LRRC37A2: variants seen among roughly 807,000 people sequenced by gnomAD.
The protein encoded by LRRC37A2 is leucine rich repeat containing 37 member A2.
LRRC37A2 carries 9 observed loss-of-function variants against 68.8 expected under a neutral mutation model. The ratio of observed to expected loss-of-function variants is 0.13; its 90% confidence interval spans 0.08 to 0.23. LRRC37A2 has a LOEUF of 0.23. Among genes scored for constraint, LRRC37A2 ranks in the 10% least tolerant of loss-of-function variants. The probability of loss-of-function intolerance (pLI) is 1.00; values close to 1 mark genes in which losing one functional copy is unlikely to be tolerated. For missense variants in LRRC37A2, 168 were observed against 950.4 expected (o/e 0.18, Z 10.82); for synonymous variants, 63 against 367.6 (o/e 0.17, Z 9.48).
chr17:46,738,987 G>T, the LRRC37A2 span, among the ~76,000 whole-genome samples: 1 of 151,826 alleles, frequency 6.6e-6, no homozygotes, highest in Non-Finnish European at 1.5e-5. Flanking sequence ...CGTAATCCCA[G>T]CACTTTGGGA....
chr17:46,762,062 C>T, the LRRC37A2 span, among the ~76,000 whole-genome samples: 1 of 152,220 alleles, frequency 6.6e-6, no homozygotes, highest in South Asian at 2.1e-4. Context: ...AGGGGACAGA[C>T]AATTTTCAGT....
the LRRC37A2 span, among the ~76,000 whole-genome samples, chr17:46,413,481 TACACAC>T: frequency 8.5e-4 from 21 of 24,768 alleles, 1 homozygote; most frequent in East Asian, 1.1e-3. Flanking sequence ...TCTCTCTCTG[TACACAC>T]ACACACACAC....
At chr17:46,907,550 C>CTT in the LRRC37A2 span, among the ~76,000 whole-genome samples, 1 of 143,076 alleles carries the variant, frequency 7.0e-6, no homozygotes. Context: ...GCTCCCTTAA[C>CTT]TTTTTTTTTT....
the LRRC37A2 span, among the ~76,000 whole-genome samples, chr17:46,400,030 TAATCCC>T: frequency 2.7e-3 from 332 of 122,850 alleles, 1 homozygote; most frequent in Admixed American, 0.013. Flanking sequence ...TTTTTTGCTG[TAATCCC>T]AGCTACTCGG....
At chr17:46,890,349 C>T in the LRRC37A2 span, among the ~76,000 whole-genome samples, 1 of 152,196 alleles carries the variant, frequency 6.6e-6, no homozygotes, top group Admixed American at 6.5e-5. Context: ...TGTGAGTCCC[C>T]TGGTGGGCTT....
chr17:47,018,356 A>G, the LRRC37A2 span: 4 of 1,611,012 alleles, frequency 2.5e-6, no homozygotes, highest in Non-Finnish European at 3.4e-6. Context: ...AGCCTCTAGA[A>G]CATCATGAAG....
the LRRC37A2 span, among the ~76,000 whole-genome samples, chr17:46,808,928 C>T: frequency 6.6e-6 from 1 of 152,160 alleles, no homozygotes; most frequent in African/African-American, 2.4e-5. Context: ...TAAGGACCCT[C>T]CATAGTTCAG....
the LRRC37A2 span, chr17:46,935,255 C>T: frequency 2.5e-5 from 40 of 1,606,478 alleles, no homozygotes; most frequent in East Asian, 5.1e-4. Flanking sequence ...ATTTTGATTA[C>T]GTGTCCTCAA....
At chr17:46,872,760 C>T in the LRRC37A2 span, 6 of 1,607,148 alleles carry the variant, frequency 3.7e-6, no homozygotes, top group South Asian at 4.4e-5. Flanking sequence ...GCAGGATGGG[C>T]CTGCTCAAGA....
chr17:46,783,323 G>A, the LRRC37A2 span, among the ~76,000 whole-genome samples: 1 of 152,216 alleles, frequency 6.6e-6, no homozygotes, highest in Non-Finnish European at 1.5e-5. Flanking sequence ...GGAGTCAGTG[G>A]AAGTGCCTGT....
the LRRC37A2 span, chr17:46,875,161 C>A: frequency 6.2e-7 from 1 of 1,614,042 alleles, no homozygotes; most frequent in Non-Finnish European, 8.5e-7. Flanking sequence ...CACACCCTGG[C>A]CCGGGCCTGC....
chr17:46,707,981 C>T, the LRRC37A2 span, among the ~76,000 whole-genome samples: 2 of 149,404 alleles, frequency 1.3e-5, no homozygotes, highest in East Asian at 2.0e-4. Context: ...TGCAGTGAGC[C>T]GAGATTGTGC....
the LRRC37A2 span, chr17:46,978,583 A>T: frequency 6.6e-7 from 1 of 1,520,122 alleles, no homozygotes; most frequent in Non-Finnish European, 8.8e-7. Flanking sequence ...GAGCGGGGCG[A>T]GGGTCCGGGT....
chr17:46,998,967 TGTGAAGAG>T, the LRRC37A2 span: 1 of 152,190 alleles, frequency 6.6e-6, no homozygotes, highest in Non-Finnish European at 1.5e-5. Flanking sequence ...AAATGCTCCA[TGTGAAGAG>T]GTGAAGAGGT....
At chr17:46,724,773 T>A in the LRRC37A2 span, among the ~76,000 whole-genome samples, 4 of 152,288 alleles carry the variant, frequency 2.6e-5, no homozygotes, top group South Asian at 8.3e-4. Flanking sequence ...AAATATTTGT[T>A]GAGTGAGTGA....
chr17:46,974,987 CTTTTTTTTTTTTTTTT>C, the LRRC37A2 span, among the ~76,000 whole-genome samples: 2 of 119,062 alleles, frequency 1.7e-5, no homozygotes, highest in Non-Finnish European at 3.5e-5. Context: ...TTACTATTTT[CTTTTTTTTTTTTTTTT>C]TTTTTTTTTT....
the LRRC37A2 span, among the ~76,000 whole-genome samples, chr17:46,849,822 T>C: frequency 6.6e-6 from 1 of 151,396 alleles, no homozygotes; most frequent in Non-Finnish European, 1.5e-5. Context: ...TGATATTAGG[T>C]GCCGGCACCT....
the LRRC37A2 span, among the ~76,000 whole-genome samples, chr17:46,970,169 T>C: frequency 1.3e-5 from 2 of 152,210 alleles, no homozygotes; most frequent in African/African-American, 2.4e-5. Context: ...ATCCCACGGC[T>C]GTCCTGCCTC....
the LRRC37A2 span, among the ~76,000 whole-genome samples, chr17:46,808,175 A>C: frequency 2.6e-5 from 4 of 152,220 alleles, no homozygotes; most frequent in African/African-American, 9.6e-5. Context: ...GGAGGCAGTG[A>C]TTTGATCAAG....
Sources: gnomAD v4.1 joint callset for allele counts (sites outside exome capture counted in the v4.1 genomes callset) on GRCh38, gnomAD v4.1.1 for gene constraint, MANE v1.5 for transcripts, NCBI Gene and HGNC (gene_info 2026-07-23, HGNC 2026-07-21) for gene names.